The following MINDY4 variants were observed in gnomAD, a reference collection of about 807,000 sequenced individuals.
MINDY4 encodes the protein probable ubiquitin carboxyl-terminal hydrolase MINDY-4.
A neutral mutation model predicts 87.0 loss-of-function variants in MINDY4; 68 were observed. That is an observed-to-expected ratio of 0.78 (90% CI 0.64 to 0.96). The LOEUF is 0.96. Ranked by LOEUF, MINDY4 falls within the 40% of genes least tolerant of loss-of-function variation. The pLI, the probability that MINDY4 is intolerant of heterozygous loss-of-function variation, is 0.00. For missense variants in MINDY4, 919 were observed against 928.2 expected, an observed-to-expected ratio of 0.99 and a Z score of 0.13; for synonymous variants, 379 against 363.2, an observed-to-expected ratio of 1.04 and a Z score of -0.50.
chr7:30,811,390 C>T (rs867949794), intron 5 of MINDY4, among the ~76,000 whole-genome samples: 16 of 152,346 alleles, frequency 1.1e-4, no homozygotes, highest in African/African-American at 3.4e-4. Context: ...TCGCTACCTT[C>T]ATTCACCAAA....
chr7:30,825,059 CA>C (rs1471222491), intron 5 of MINDY4, among the ~76,000 whole-genome samples: 1 of 152,190 alleles, frequency 6.6e-6, no homozygotes, highest in East Asian at 1.9e-4. Context: ...ACTTGGCCCC[CA>C]TGAATTTATT....
intron 1 of MINDY4, among the ~76,000 whole-genome samples, chr7:30,772,882 A>G (rs1225220955): frequency 2.0e-5 from 3 of 152,140 alleles, no homozygotes; most frequent in Admixed American, 6.5e-5. Flanking sequence ...TTTCTTGAGT[A>G]CAAATGAAAT....
At chr7:30,809,494 C>T (rs924861420) in intron 5 of MINDY4, among the ~76,000 whole-genome samples, 2 of 151,442 alleles carry the variant, frequency 1.3e-5, no homozygotes, top group South Asian at 2.1e-4. Context: ...CCGACCAGAC[C>T]TAGGAGGAAC....
chr7:30,791,354 A>G lies in MINDY4; in HGVS notation c.853A>G (p.Thr285Ala). 1 of 1,613,984 alleles carries G rather than the reference A, an allele frequency of 6.2e-7. No homozygotes were observed. The highest frequency in any genetic ancestry group is 1.1e-5 in the South Asian group (1 of 91,082). ...TGAACTGACCGTAGAAAGGCAGAAAACCACTGCCAGCAGCCCTCCCCATCT... is the reference window on the plus strand; with the variant it reads ...TGAACTGACCGTAGAAAGGCAGAAAGCCACTGCCAGCAGCCCTCCCCATCT... ...LSELTVERQK[T>A]TASSPPHLPS... The change falls in exon 5 of 18, where the codon ACC becomes GCC. Residue 285 changes from threonine to alanine, a missense_variant. Coordinates refer to ENST00000265299, the MANE Select transcript of MINDY4 (RefSeq NM_032222.3).
intron 13 of MINDY4, among the ~76,000 whole-genome samples, chr7:30,863,209 T>C (rs944620285): frequency 1.3e-5 from 2 of 152,210 alleles, no homozygotes; most frequent in African/African-American, 4.8e-5. Context: ...CTTTGGGCAA[T>C]TGAAAACATG....
chr7:30,792,558 ACTTT>A (rs1042081941), intron 5 of MINDY4, among the ~76,000 whole-genome samples: 4 of 152,172 alleles, frequency 2.6e-5, no homozygotes, highest in Admixed American at 6.5e-5. Flanking sequence ...TCAAATTTCA[ACTTT>A]CTTCTTGTGT....
intron 14 of MINDY4, among the ~76,000 whole-genome samples, chr7:30,875,011 C>G (rs1310400162): frequency 6.6e-6 from 1 of 152,200 alleles, no homozygotes; most frequent in Non-Finnish European, 1.5e-5. Flanking sequence ...AAGACTCACC[C>G]AAATGTCACT....
chr7:30,859,387 C>T (rs1025482450), intron 13 of MINDY4, 63 bp downstream of exon 13: 48 of 1,465,390 alleles, frequency 3.3e-5, no homozygotes, highest in South Asian at 2.3e-4. Context: ...ACTGCTGCCT[C>T]GCTAGAGCCC....
chr7:30,802,842 C>T (rs537840181), intron 5 of MINDY4, among the ~76,000 whole-genome samples: 26 of 152,118 alleles, frequency 1.7e-4, no homozygotes, highest in African/African-American at 5.3e-4. Flanking sequence ...CCATCCCAAC[C>T]GACCAACCAA....
At chr7:30,888,272 C>T (rs1790694768) in intron 17 of MINDY4, among the ~76,000 whole-genome samples, 1 of 152,172 alleles carries the variant, frequency 6.6e-6, no homozygotes, top group Non-Finnish European at 1.5e-5. Flanking sequence ...AGCGAGTGGT[C>T]TCAACGGGAC....
chr7:30,870,267 C>T (rs1790060933), intron 13 of MINDY4, among the ~76,000 whole-genome samples: 1 of 152,228 alleles, frequency 6.6e-6, no homozygotes. Flanking sequence ...CTTCTAAAAG[C>T]TCCAGGTGGC....
At position 30,859,393 on chromosome 7, in the gene MINDY4, A is replaced by C. The variant is rs1789681784; in HGVS notation, c.1745+69A>C. The C allele has an allele frequency of 2.8e-6, 4 of 1,431,894 alleles. No homozygotes were observed. In the South Asian group the frequency reaches 3.5e-5, roughly 12 times the overall value. 88.7% of individuals were successfully genotyped at this position (1,431,894 alleles called of 1,614,324 possible). On this transcript the variant is annotated intron_variant, in intron 13 of 17. Transcript: ENST00000265299. ...GTCTTGTTCACTGCTGCCTCGCTAG[A>C]GCCCAGGATGGTGCTTGGCACATGT...
At chr7:30,853,288 C>T (rs1350189122) in intron 11 of MINDY4, 106 bp from the exon 12 acceptor site, 1 of 883,018 alleles carries the variant, frequency 1.1e-6, no homozygotes, top group Non-Finnish European at 1.9e-6. Context: ...AGGGACATTC[C>T]CAAGTTGGAT....
In MINDY4 at chr7:30,882,950, G is replaced by C. The variant is rs367901408; in HGVS notation, c.2182G>C (p.Asp728His). The change falls in exon 17 of 18, where the codon GAC becomes CAC. Residue 728 changes from aspartate (D) to histidine (H), a missense_variant. Coordinates refer to ENST00000265299, the MANE Select transcript of MINDY4 (RefSeq NM_032222.3). Reference sequence around the variant, plus strand: ...CACCCAAACCATCTCTGAGGACACAGACAACGACCTTGTCCCACCCCTCGA... The same window carrying C: ...CACCCAAACCATCTCTGAGGACACACACAACGACCTTGTCCCACCCCTCGA... ...DTTQTISEDTDNDLVPPLELC... is the reference protein window; with the variant it reads ...DTTQTISEDTHNDLVPPLELC... 62 of 1,613,960 alleles carry C rather than the reference G, an allele frequency of 3.8e-5. No homozygotes were observed. The highest frequency in any genetic ancestry group is 4.7e-5 in the Non-Finnish European group (55 of 1,179,992).
chr7:30,860,068 C>G (rs1275292294), intron 13 of MINDY4, among the ~76,000 whole-genome samples: 1 of 152,138 alleles, frequency 6.6e-6, no homozygotes, highest in Non-Finnish European at 1.5e-5. Context: ...CACTTTCAAG[C>G]AGAGGACAGA....
chr7:30,824,652 C>T (rs1291936302), intron 5 of MINDY4, among the ~76,000 whole-genome samples: 3 of 152,094 alleles, frequency 2.0e-5, no homozygotes, highest in African/African-American at 7.2e-5. Flanking sequence ...TAGCTCACTG[C>T]AGCCTTAAAC....
chr7:30,852,866 C>T (rs1402647195), intron 11 of MINDY4, among the ~76,000 whole-genome samples: 2 of 152,226 alleles, frequency 1.3e-5, no homozygotes, highest in Non-Finnish European at 1.5e-5. Context: ...GGTTTGGGCA[C>T]GTGTTGCCCT....
At chr7:30,817,203 T>G (rs866247321) in intron 5 of MINDY4, among the ~76,000 whole-genome samples, 1 of 152,010 alleles carries the variant, frequency 6.6e-6, no homozygotes, top group Admixed American at 6.6e-5. Flanking sequence ...ACACCAAAGG[T>G]CATGCCAGGT....
chr7:30,836,617 A>T (rs1788865557), intron 6 of MINDY4, 41 bp from the exon 7 acceptor site: 6 of 1,487,798 alleles, frequency 4.0e-6, no homozygotes, highest in Non-Finnish European at 5.6e-6. Context: ...GTTCTCCGTG[A>T]GTCATAACGA....
Sources: gnomAD v4.1 joint callset for allele counts (sites outside exome capture counted in the v4.1 genomes callset) on GRCh38, gnomAD v4.1.1 for gene constraint, MANE v1.5 for transcripts, NCBI Gene and HGNC (gene_info 2026-07-23, HGNC 2026-07-21) for gene names.